The following ZBTB20 variants were observed in gnomAD, a reference collection of about 807,000 sequenced individuals.
ZBTB20 encodes zinc finger and BTB domain-containing protein 20.
Under a neutral mutation model 56.9 loss-of-function variants are expected in ZBTB20, and 9 were observed. That is an observed-to-expected ratio of 0.16 (90% CI 0.10 to 0.28). The LOEUF (loss-of-function observed/expected upper bound fraction) is 0.28. Among genes scored for constraint, ZBTB20 ranks in the 10% least tolerant of loss-of-function variants. ZBTB20 has a pLI of 1.00. For synonymous variants in ZBTB20, 417 were observed against 420.7 expected, an observed-to-expected ratio of 0.99 and a Z score of 0.11; for missense variants, 655 against 1,003.0, an observed-to-expected ratio of 0.65 and a Z score of 4.69.
At chr3:114,532,796 G>T (rs1391054911) in intron 6 of ZBTB20, among the ~76,000 whole-genome samples, 1 of 152,136 alleles carries the variant, frequency 6.6e-6, no homozygotes, top group Non-Finnish European at 1.5e-5. Flanking sequence ...GGAAGGAACC[G>T]GTAGCATTGT....
chr3:114,592,871 C>A (rs931430339), intron 6 of ZBTB20, among the ~76,000 whole-genome samples: 1 of 152,064 alleles, frequency 6.6e-6, no homozygotes. Flanking sequence ...TATTCTTATA[C>A]ATTCACAATC....
intron 7 of ZBTB20, among the ~76,000 whole-genome samples, chr3:114,425,120 G>T (rs895517479): frequency 5.2e-5 from 7 of 134,548 alleles, no homozygotes; most frequent in African/African-American, 2.8e-4. Flanking sequence ...TCTGAAATTT[G>T]AAAAACCATT....
At chr3:114,996,122 A>G (rs2108184153) in intron 2 of ZBTB20, among the ~76,000 whole-genome samples, 1 of 152,006 alleles carries the variant, frequency 6.6e-6, no homozygotes, top group East Asian at 1.9e-4. Flanking sequence ...ATCATGGCAC[A>G]TGTCTTTTAT....
chr3:114,517,320 A>G (rs2046115111), intron 6 of ZBTB20, among the ~76,000 whole-genome samples: 2 of 152,208 alleles, frequency 1.3e-5, no homozygotes. Context: ...ATTAAACAAG[A>G]AAATAAGTAA....
chr3:114,929,628 A>G (rs1050671056), intron 3 of ZBTB20, among the ~76,000 whole-genome samples: 4 of 152,244 alleles, frequency 2.6e-5, no homozygotes, highest in Non-Finnish European at 4.4e-5. Context: ...GGACAAAATT[A>G]CATTCCAGTT....
chr3:114,625,099 G>T (rs2058579218), intron 6 of ZBTB20, among the ~76,000 whole-genome samples: 1 of 152,080 alleles, frequency 6.6e-6, no homozygotes, highest in Non-Finnish European at 1.5e-5. Context: ...GGAGCAAAAT[G>T]AAGCAGAAAG....
intron 6 of ZBTB20, chr3:114,581,976 T>C (rs2054675418): frequency 6.6e-6 from 1 of 152,178 alleles, no homozygotes; most frequent in African/African-American, 2.4e-5. Context: ...ATTAAAATAA[T>C]GTCCAACAAT....
chr3:114,864,069 A>C (rs1249853012), intron 4 of ZBTB20, among the ~76,000 whole-genome samples: 1 of 152,120 alleles, frequency 6.6e-6, no homozygotes, highest in Admixed American at 6.6e-5. Flanking sequence ...GTATATTGAA[A>C]TCAAGAACTA....
At chr3:114,512,828 C>T (rs2109826946) in intron 6 of ZBTB20, among the ~76,000 whole-genome samples, 1 of 152,240 alleles carries the variant, frequency 6.6e-6, no homozygotes, top group Middle Eastern at 3.4e-3. Flanking sequence ...TCTCAAGTTA[C>T]AGGCAAATTA....
intron 2 of ZBTB20, among the ~76,000 whole-genome samples, chr3:114,978,682 G>A (rs1056251768): frequency 6.6e-6 from 1 of 151,656 alleles, no homozygotes; most frequent in Non-Finnish European, 1.5e-5. Context: ...GTGTGTGTGT[G>A]TGTGCTTGTG....
intron 2 of ZBTB20, among the ~76,000 whole-genome samples, chr3:115,024,881 AACT>A (rs1389638083): frequency 6.6e-6 from 1 of 151,206 alleles, no homozygotes; most frequent in African/African-American, 2.4e-5. Context: ...TACCGCTAGT[AACT>A]ACTGTTACTA....
intron 7 of ZBTB20, among the ~76,000 whole-genome samples, chr3:114,452,272 A>AT (rs2091669214): frequency 6.6e-6 from 1 of 152,142 alleles, no homozygotes; most frequent in African/African-American, 2.4e-5. Context: ...TTTTAAAAGT[A>AT]TTTTTCTCCT....
At chr3:114,882,386 T>C (rs1314720374) in intron 4 of ZBTB20, among the ~76,000 whole-genome samples, 1 of 151,946 alleles carries the variant, frequency 6.6e-6, no homozygotes, top group Non-Finnish European at 1.5e-5. Flanking sequence ...TGAAGGAAAA[T>C]TTTTAACAGG....
At chr3:114,384,124 C>CTT (rs2084764666) in intron 8 of ZBTB20, among the ~76,000 whole-genome samples, 1 of 148,198 alleles carries the variant, frequency 6.7e-6, no homozygotes, top group Admixed American at 6.7e-5. Context: ...CTCTCTCTCT[C>CTT]TCTCATTCTC....
At chr3:115,139,974 A>G (rs2084765193) in intron 1 of ZBTB20, among the ~76,000 whole-genome samples, 1 of 152,084 alleles carries the variant, frequency 6.6e-6, no homozygotes, top group South Asian at 2.1e-4. Context: ...TTAAACTTTT[A>G]TAAAAGACTA....
At chr3:115,137,199 T>C (rs868130382) in intron 1 of ZBTB20, among the ~76,000 whole-genome samples, 3 of 152,078 alleles carry the variant, frequency 2.0e-5, no homozygotes, top group Non-Finnish European at 4.4e-5. Context: ...AGGGATGGTA[T>C]AGCAATTTCA....
At chr3:114,749,730 C>CGTTA (rs1158583379) in intron 5 of ZBTB20, among the ~76,000 whole-genome samples, 1 of 152,118 alleles carries the variant, frequency 6.6e-6, no homozygotes, top group Non-Finnish European at 1.5e-5. Context: ...AAAGGATGAA[C>CGTTA]GTTAGTCTTA....
intron 3 of ZBTB20, among the ~76,000 whole-genome samples, chr3:114,937,325 T>C (rs2076569257): frequency 6.6e-6 from 1 of 152,218 alleles, no homozygotes; most frequent in African/African-American, 2.4e-5. Context: ...TGGCTTGAGA[T>C]GGTTTCTCAC....
At chr3:115,039,618 G>A (rs191779639) in intron 2 of ZBTB20, among the ~76,000 whole-genome samples, 109 of 152,154 alleles carry the variant, frequency 7.2e-4, no homozygotes, top group African/African-American at 2.3e-3. Context: ...ATGCTGAGTG[G>A]TGGATGTTTT....
Sources: gnomAD v4.1 joint callset for allele counts (sites outside exome capture counted in the v4.1 genomes callset) on GRCh38, gnomAD v4.1.1 for gene constraint, MANE v1.5 for transcripts, NCBI Gene and HGNC (gene_info 2026-07-23, HGNC 2026-07-21) for gene names.